Variants in FAM184B observed in about 807,000 individuals in gnomAD.
FAM184B encodes family with sequence similarity 184 member B.
Under a neutral mutation model 135.9 loss-of-function variants are expected in FAM184B, and 111 were observed. That is an observed-to-expected ratio of 0.82 (90% CI 0.70 to 0.96). FAM184B has a LOEUF of 0.96. Among genes scored for constraint, FAM184B ranks in the 40% least tolerant of loss-of-function variants. The pLI is 0.00. For synonymous variants in FAM184B, 552 were observed against 524.8 expected, an observed-to-expected ratio of 1.05 and a Z score of -0.71; for missense variants, 1,375 against 1,323.9, an observed-to-expected ratio of 1.04 and a Z score of -0.60.
chr4:17,644,251 C>G (rs1248181129), intron 12 of FAM184B, among the ~76,000 whole-genome samples: 1 of 152,144 alleles, frequency 6.6e-6, no homozygotes, highest in Non-Finnish European at 1.5e-5. Flanking sequence ...GCTGGTCATC[C>G]TAATACCAAA....
At chr4:17,650,429 C>G (rs751705465) in intron 11 of FAM184B, among the ~76,000 whole-genome samples, 17 of 152,226 alleles carry the variant, frequency 1.1e-4, no homozygotes, top group Non-Finnish European at 1.9e-4. Flanking sequence ...GCCCCTTCTT[C>G]TTGGGACTGG....
intron 7 of FAM184B, among the ~76,000 whole-genome samples, chr4:17,679,204 T>C (rs1023883336): frequency 1.6e-4 from 25 of 152,194 alleles, no homozygotes; most frequent in African/African-American, 5.8e-4. Flanking sequence ...TAAAAAGCTC[T>C]GCACAGCAAA....
Position 17,638,089 on chromosome 4 carries a change from C to T in FAM184B, c.2666+1161G>A, listed in dbSNP as rs529090887. Among the ~76,000 whole-genome samples the T allele has an allele frequency of 3.4e-5, 5 of 149,240 alleles. No individual in the cohort carries two copies. In the South Asian group the frequency reaches 8.5e-4, roughly 25 times the overall value. ...TTGCCCACCCTTGCCACTCCCAATC[C>T]TGTCTTCCAGCACTTTCACCGCCTG... is the stretch of plus-strand genomic sequence containing the variant. On this transcript the variant is annotated intron_variant, in intron 14 of 17. Coordinates refer to ENST00000265018, the MANE Select transcript of FAM184B (RefSeq NM_015688.2).
intron 1 of FAM184B, among the ~76,000 whole-genome samples, chr4:17,764,600 C>T (rs913191750): frequency 3.9e-5 from 6 of 152,118 alleles, no homozygotes; most frequent in Admixed American, 1.3e-4. Context: ...AGTTCTTGTC[C>T]TCAAAAGTTT....
At chr4:17,641,980 G>A in intron 13 of FAM184B, 76 bp downstream of exon 13, 1 of 1,423,350 alleles carries the variant, frequency 7.0e-7, no homozygotes. Context: ...GGCTCAGCCA[G>A]CCGCAGTAGG....
At chr4:17,649,653 A>T (rs1357942640) in intron 11 of FAM184B, among the ~76,000 whole-genome samples, 1 of 149,450 alleles carries the variant, frequency 6.7e-6, no homozygotes, top group Non-Finnish European at 1.5e-5. Flanking sequence ...TCTATAGCTT[A>T]TTTTCTTAAA....
At chr4:17,671,376 T>C (rs909576232) in intron 7 of FAM184B, among the ~76,000 whole-genome samples, 9 of 152,146 alleles carry the variant, frequency 5.9e-5, no homozygotes, top group African/African-American at 2.2e-4. Flanking sequence ...TGGAAGAGAA[T>C]GGAGGTGGAA....
chr4:17,714,284 G>C (rs1031110791), intron 1 of FAM184B, among the ~76,000 whole-genome samples: 4 of 152,178 alleles, frequency 2.6e-5, no homozygotes, highest in Admixed American at 2.0e-4. Context: ...ACTGGTGATT[G>C]CCAATGGAAT....
chr4:17,746,862 A>T (rs1203288514), intron 1 of FAM184B, among the ~76,000 whole-genome samples: 1 of 151,816 alleles, frequency 6.6e-6, no homozygotes, highest in African/African-American at 2.4e-5. Context: ...ACATGGAGAA[A>T]CCCCATCTCT....
chr4:17,662,193 C>G (rs1715934707), intron 8 of FAM184B, among the ~76,000 whole-genome samples: 1 of 152,114 alleles, frequency 6.6e-6, no homozygotes, highest in African/African-American at 2.4e-5. Flanking sequence ...CTTTTTGTTG[C>G]TGTGTAGTAT....
chr4:17,634,652 G>A (rs898133256), intron 16 of FAM184B, among the ~76,000 whole-genome samples: 8 of 152,104 alleles, frequency 5.3e-5, no homozygotes, highest in Admixed American at 5.2e-4. Context: ...GAGCCTTTAG[G>A]ATTTTGTGAT....
intron 1 of FAM184B, among the ~76,000 whole-genome samples, chr4:17,766,954 G>C (rs866437674): frequency 5.3e-5 from 8 of 152,306 alleles, no homozygotes; most frequent in African/African-American, 1.9e-4. Context: ...CCTGCCCCGC[G>C]GGGAGGCACC....
intron 1 of FAM184B, among the ~76,000 whole-genome samples, chr4:17,726,841 CA>C (rs1470581757): frequency 6.6e-6 from 1 of 152,138 alleles, no homozygotes; most frequent in African/African-American, 2.4e-5. Flanking sequence ...TCAACAGTCC[CA>C]ACAAAAGCTC....
rs186757932 is a variant in FAM184B at position 17,726,143 on chromosome 4, C to T, written c.142-16499G>A. Among the ~76,000 whole-genome samples the T allele has an allele frequency of 8.4e-3, 1,282 of 152,156 alleles. 18 individuals carry two copies. The highest frequency in any genetic ancestry group is 0.028 in the African/African-American group (1,178 of 41,518). On this transcript the variant is annotated intron_variant, in intron 1 of 17. Coordinates refer to ENST00000265018, the MANE Select transcript of FAM184B (RefSeq NM_015688.2). ...GTTTCACTGTGTTAGCCAGGATGGT[C>T]TTGATCTCCTGACCTTGTGATCCGC...
Position 17,666,475 on chromosome 4 carries a change from T to C in FAM184B, c.1597-1816A>G, listed in dbSNP as rs562038452. 1.2e-3 allele frequency among the ~76,000 whole-genome samples: 166 copies of C among 133,292 alleles called. 2 individuals are homozygous for C. Among genetic ancestry groups the C allele is most frequent in the African/African-American group, 4.5e-3 (164 of 36,226 alleles). 87.4% of individuals were successfully genotyped at this position (133,292 alleles called of 152,430 possible). A position where few individuals can be genotyped will look rare whatever the true frequency, so the allele number is the denominator to read the frequency against. On this transcript the variant is annotated intron_variant, in intron 7 of 17. Transcript: ENST00000265018. The stretch of plus-strand genomic sequence containing the variant: ...CATGCCACTGTGCCTGGTTCTTTTT[T>C]TTTTTTTTTTTTTTTTTTTGGTATT...
In FAM184B at chr4:17,771,552, A is replaced by G. The variant is rs148840079; in HGVS notation, c.141+9607T>C. ...AAAGCAAACTGGCATGGAACTGCTT[A>G]AACATCTGTCCCCAAACAAGCTCCT... On this transcript the variant is annotated intron_variant, in intron 1 of 17. Coordinates refer to ENST00000265018, the MANE Select transcript of FAM184B (RefSeq NM_015688.2). 1.8e-4 allele frequency among the ~76,000 whole-genome samples: 28 copies of G among 152,330 alleles called. No individual in the cohort carries two copies. In the East Asian group the frequency reaches 3.5e-3, roughly 19 times the overall value.
In FAM184B at chr4:17,642,239, C is replaced by T; in HGVS notation, c.2347-11G>A. The T allele has an allele frequency of 6.8e-7, 1 of 1,473,042 alleles. No homozygotes were observed. Among genetic ancestry groups the T allele is most frequent in the Non-Finnish European group, 8.9e-7 (1 of 1,122,524 alleles). 91.2% of individuals were successfully genotyped at this position (1,473,042 alleles called of 1,614,324 possible). A position where few individuals can be genotyped will look rare whatever the true frequency, so the allele number is the denominator to read the frequency against. ...CGGGCCGCCCCGCTCCTGAGGAAGGCAACCAGGAGAGGTGTTTTCAGGAGG... is the reference window on the plus strand; with the variant it reads ...CGGGCCGCCCCGCTCCTGAGGAAGGTAACCAGGAGAGGTGTTTTCAGGAGG... On this transcript the variant is annotated splice_polypyrimidine_tract_variant and intron_variant, in intron 12 of 17. Transcript: ENST00000265018.
intron 1 of FAM184B, among the ~76,000 whole-genome samples, chr4:17,719,572 A>G (rs1323869634): frequency 6.6e-6 from 1 of 152,188 alleles, no homozygotes; most frequent in African/African-American, 2.4e-5. Flanking sequence ...ACAGGGGAGG[A>G]AAGGATCACA....
chr4:17,719,649 T>C (rs1004860911), intron 1 of FAM184B, among the ~76,000 whole-genome samples: 1 of 152,244 alleles, frequency 6.6e-6, no homozygotes, highest in Non-Finnish European at 1.5e-5. Flanking sequence ...AATACATAAC[T>C]GTGCTGTAAT....
Sources: allele counts gnomAD v4.1 joint callset (sites outside exome capture counted in the v4.1 genomes callset), GRCh38; gene constraint gnomAD v4.1.1; transcripts MANE v1.5; gene names NCBI Gene and HGNC (gene_info 2026-07-23, HGNC 2026-07-21).